Variants in FRMD3 observed in about 807,000 individuals in gnomAD.
FRMD3 encodes FERM domain-containing protein 3.
Under a neutral mutation model 70.2 loss-of-function variants are expected in FRMD3, and 33 were observed. The ratio of observed to expected loss-of-function variants is 0.47; its 90% confidence interval spans 0.36 to 0.63. The LOEUF is 0.63. Ranked by LOEUF, FRMD3 falls within the 20% of genes least tolerant of loss-of-function variation. The probability of loss-of-function intolerance (pLI) is 0.00; values close to 1 mark genes in which losing one functional copy is unlikely to be tolerated. For synonymous variants in FRMD3, 279 were observed against 255.9 expected, an observed-to-expected ratio of 1.09 and a Z score of -0.86; for missense variants, 632 against 711.4, an observed-to-expected ratio of 0.89 and a Z score of 1.27.
At chr9:83,424,112 G>A (rs1250855821) in intron 1 of FRMD3, among the ~76,000 whole-genome samples, 1 of 152,170 alleles carries the variant, frequency 6.6e-6, no homozygotes, top group Non-Finnish European at 1.5e-5. Flanking sequence ...CTGAGTCTCT[G>A]CATTTCTAAC....
intron 3 of FRMD3, among the ~76,000 whole-genome samples, chr9:83,353,875 T>C (rs554697786): frequency 1.1e-4 from 16 of 152,316 alleles, no homozygotes; most frequent in African/African-American, 3.1e-4. Flanking sequence ...GTTTTAGATG[T>C]TGTACATTCA....
intron 1 of FRMD3, among the ~76,000 whole-genome samples, chr9:83,444,996 C>G (rs1827413052): frequency 6.6e-6 from 1 of 152,170 alleles, no homozygotes; most frequent in Non-Finnish European, 1.5e-5. Flanking sequence ...TTATATTTAC[C>G]CTTATTCTTA....
the FRMD3 span, among the ~76,000 whole-genome samples, chr9:83,545,363 T>G: frequency 9.7e-4 from 143 of 146,940 alleles, no homozygotes; most frequent in East Asian, 2.8e-3. Context: ...TTTGTTTTTT[T>G]TTTTTTTTTT....
rs184033985 is a variant in FRMD3 at position 83,339,026 on chromosome 9, A to G, written c.473-3387T>C. Reference sequence around the variant, plus strand: ...GATGGGACAATGGACCACCAATATGAAACTGGGTCATCTTCAATGCAAATG... The same window carrying G: ...GATGGGACAATGGACCACCAATATGGAACTGGGTCATCTTCAATGCAAATG... On this transcript the variant is annotated intron_variant, in intron 5 of 13. Coordinates refer to ENST00000304195, the MANE Select transcript of FRMD3 (RefSeq NM_174938.6). 7.5e-4 allele frequency among the ~76,000 whole-genome samples: 114 copies of G among 152,306 alleles called. 2 individuals are homozygous for G. The highest frequency in any genetic ancestry group is 1.5e-4 in the Non-Finnish European group (10 of 68,028).
At chr9:83,568,951 G>GATAC in the FRMD3 span, among the ~76,000 whole-genome samples, 5,035 of 114,116 alleles carry the variant, frequency 0.044, 83 homozygotes, top group African/African-American at 0.067. Context: ...TAGATAGATA[G>GATAC]ATAGATACAT....
At chr9:83,323,053 T>C (rs951846849) in intron 6 of FRMD3, among the ~76,000 whole-genome samples, 1 of 152,208 alleles carries the variant, frequency 6.6e-6, no homozygotes, top group Non-Finnish European at 1.5e-5. Context: ...GGTGAGAATG[T>C]ACAGCACAAG....
At chr9:83,298,631 A>C in intron 12 of FRMD3, 117 bp downstream of exon 12, 2 of 767,388 alleles carry the variant, frequency 2.6e-6, no homozygotes, top group East Asian at 5.3e-5. Context: ...GAGATGTCTA[A>C]GGAAGTGAGA....
At chr9:83,360,375 C>T (rs1824542613) in intron 3 of FRMD3, among the ~76,000 whole-genome samples, 1 of 152,158 alleles carries the variant, frequency 6.6e-6, no homozygotes, top group Admixed American at 6.5e-5. Context: ...AAGGCTCTCC[C>T]ACCAAAGGGA....
intron 1 of FRMD3, among the ~76,000 whole-genome samples, chr9:83,394,318 T>C (rs540400117): frequency 6.6e-6 from 1 of 152,192 alleles, no homozygotes; most frequent in South Asian, 2.1e-4. Flanking sequence ...CTCACTGATA[T>C]GGCAAACTAG....
chr9:83,247,778 G>T lies in FRMD3; in HGVS notation c.*140C>A. ...ATTTAAGTGCAGTGAATTATGGAAA[G>T]CTAACTTAAAGGTTTGAATAATCAA... On this transcript the variant is annotated 3_prime_UTR_variant, in exon 14 of 14. Coordinates refer to ENST00000304195, the MANE Select transcript of FRMD3 (RefSeq NM_174938.6). 1 of 1,482,198 alleles carries T rather than the reference G, an allele frequency of 6.7e-7. No individual in the cohort carries two copies. Among genetic ancestry groups the T allele is most frequent in the Non-Finnish European group, 8.9e-7 (1 of 1,121,722 alleles). The allele number at this position is 1,482,198 out of a possible 1,614,324, so 91.8% of individuals were successfully genotyped here.
intron 13 of FRMD3, among the ~76,000 whole-genome samples, chr9:83,276,994 A>G (rs111825593): frequency 0.056 from 8,483 of 151,384 alleles, 621 homozygotes; most frequent in African/African-American, 0.17. Context: ...CACCGCACCC[A>G]GCCAAATTAT....
chr9:83,412,427 G>C (rs971529890), intron 1 of FRMD3, among the ~76,000 whole-genome samples: 5 of 152,204 alleles, frequency 3.3e-5, no homozygotes, highest in African/African-American at 1.2e-4. Flanking sequence ...TATATAGTAT[G>C]AGTTTCTTTA....
chr9:83,299,299 CT>C (rs1222198921), intron 10 of FRMD3, 113 bp from the exon 11 acceptor site: 6 of 651,448 alleles, frequency 9.2e-6, no homozygotes, highest in Admixed American at 3.2e-5. Flanking sequence ...TGTAATTTAC[CT>C]TGTGACTCAG....
At chr9:83,243,165 G>A, downstream of FRMD3, 1 of 1,548,716 alleles carries the variant, frequency 6.5e-7, no homozygotes, top group Non-Finnish European at 8.7e-7. Context: ...GCCAAGTCTT[G>A]GCTGAGCTCA....
chr9:83,571,009 T>G, the FRMD3 span, among the ~76,000 whole-genome samples: 13 of 152,178 alleles, frequency 8.5e-5, no homozygotes, highest in Admixed American at 4.6e-4. Context: ...ATGCTGAAAT[T>G]TGATTCCCAA....
chr9:83,476,945 G>A (rs913912056), intron 1 of FRMD3, among the ~76,000 whole-genome samples: 2 of 152,170 alleles, frequency 1.3e-5, no homozygotes, highest in Non-Finnish European at 2.9e-5. Context: ...CTTGAGGGCA[G>A]GTGGTGTCTC....
intron 1 of FRMD3, among the ~76,000 whole-genome samples, chr9:83,436,319 T>C (rs76882379): frequency 0.038 from 5,750 of 152,220 alleles, 189 homozygotes; most frequent in East Asian, 0.16. Flanking sequence ...AATAAAGTCA[T>C]TGACACATAA....
the FRMD3 span, among the ~76,000 whole-genome samples, chr9:83,550,687 A>AGTGTGTGT: frequency 0.092 from 12,832 of 138,726 alleles, 667 homozygotes; most frequent in East Asian, 0.15. Context: ...AGTCCTAGGT[A>AGTGTGTGT]GTGTGTGTGT....
chr9:83,293,662 A>G (rs1834537799), intron 12 of FRMD3, among the ~76,000 whole-genome samples: 1 of 152,208 alleles, frequency 6.6e-6, no homozygotes, highest in South Asian at 2.1e-4. Flanking sequence ...TATCCCAGGT[A>G]TGAGCCTGCC....
Sources: gnomAD v4.1 joint callset for allele counts (sites outside exome capture counted in the v4.1 genomes callset) on GRCh38, gnomAD v4.1.1 for gene constraint, MANE v1.5 for transcripts, NCBI Gene and HGNC (gene_info 2026-07-23, HGNC 2026-07-21) for gene names.